RTF2: variants seen among roughly 807,000 people sequenced by gnomAD.
RTF2 encodes the protein replication termination factor 2.
A neutral mutation model predicts 38.0 loss-of-function variants in RTF2; 18 were observed. That is an observed-to-expected ratio of 0.47 (90% confidence interval 0.33 to 0.70). The LOEUF (loss-of-function observed/expected upper bound fraction) is 0.70. Among genes scored for constraint, RTF2 ranks in the 30% least tolerant of loss-of-function variants. The pLI, the probability that RTF2 is intolerant of heterozygous loss-of-function variation, is 0.02. For synonymous variants in RTF2, 126 were observed against 137.1 expected (o/e 0.92, Z 0.57); for missense variants, 311 against 379.6 (o/e 0.82, Z 1.50).
At chr20:56,516,738 GCATGACTGGTGT>G in intron 6 of RTF2, 185 bp from the exon 7 acceptor site, 1 of 625,070 alleles carries the variant, frequency 1.6e-6, no homozygotes, top group Non-Finnish European at 2.9e-6. Context: ...AGGCAGAAGT[GCATGACTGGTGT>G]CACATGCAGA....
chr20:56,496,877 T>TA (rs1258994327), intron 5 of RTF2: 1 of 1,551,696 alleles, frequency 6.4e-7, no homozygotes. Flanking sequence ...GACTTTGACT[T>TA]GTCTTGGATT....
rs371007066 is a variant in RTF2, at chr20:56,476,957, T to C, written c.259-28T>C. 7 of 1,610,844 alleles carry C rather than the reference T, an allele frequency of 4.3e-6. No homozygotes were observed. In the African/African-American group the frequency reaches 6.7e-5, roughly 15 times the overall value. On this transcript the variant is annotated intron_variant, in intron 3 of 8. Coordinates refer to ENST00000357348, the MANE Select transcript of RTF2 (RefSeq NM_016407.5). The stretch of plus-strand genomic sequence containing the variant: ...AAGGATGATCTGTTTATCAAATGAA[T>C]TGTTAAAATATTAATGGTTTTTCCC...
chr20:56,499,899 C>G (rs939791812), intron 5 of RTF2, among the ~76,000 whole-genome samples: 6 of 151,370 alleles, frequency 4.0e-5, no homozygotes, highest in African/African-American at 1.5e-4. Context: ...ACCACGCTAG[C>G]TAATTTCTGT....
At chr20:56,477,284 C>G (rs1982305169) in intron 4 of RTF2, among the ~76,000 whole-genome samples, 160 bp downstream of exon 4, 1 of 152,158 alleles carries the variant, frequency 6.6e-6, no homozygotes, top group South Asian at 2.1e-4. Context: ...TGAGCACGTT[C>G]ATTTCCGTCA....
intron 5 of RTF2, among the ~76,000 whole-genome samples, chr20:56,512,565 C>T (rs1322499306): frequency 1.3e-5 from 2 of 152,330 alleles, no homozygotes; most frequent in Middle Eastern, 3.4e-3. Context: ...ACCACCACAA[C>T]ACTGTCAGGA....
chr20:56,488,750 A>C (rs1982923824), intron 5 of RTF2, among the ~76,000 whole-genome samples: 1 of 152,108 alleles, frequency 6.6e-6, no homozygotes, highest in South Asian at 2.1e-4. Flanking sequence ...TTGTTCTTTC[A>C]CTCTACCCAT....
chr20:56,491,023 C>T (rs749425972), intron 5 of RTF2, among the ~76,000 whole-genome samples: 26 of 152,156 alleles, frequency 1.7e-4, no homozygotes, highest in Non-Finnish European at 2.8e-4. Flanking sequence ...TTGGGGCACC[C>T]TTTTTAACAA....
At chr20:56,476,399 T>A (rs1982244281) in intron 3 of RTF2, among the ~76,000 whole-genome samples, 1 of 152,222 alleles carries the variant, frequency 6.6e-6, no homozygotes, top group African/African-American at 2.4e-5. Context: ...AGTAATTTTT[T>A]ATGTAAGAGG....
At chr20:56,485,186 G>A (rs1022441091) in intron 5 of RTF2, among the ~76,000 whole-genome samples, 1 of 152,138 alleles carries the variant, frequency 6.6e-6, no homozygotes, top group African/African-American at 2.4e-5. Flanking sequence ...CTGGCGTAGT[G>A]GTGGTCGGCA....
intron 1 of RTF2, 106 bp from the exon 2 acceptor site, chr20:56,473,194 CA>C: frequency 1.2e-6 from 1 of 818,500 alleles, no homozygotes; most frequent in Non-Finnish European, 2.0e-6. Flanking sequence ...ATTTAAAAAA[CA>C]AAAATCATTA....
chr20:56,470,004 A>G (rs1233697071), intron 1 of RTF2, among the ~76,000 whole-genome samples: 5 of 152,160 alleles, frequency 3.3e-5, no homozygotes. Context: ...AACAGTGCCT[A>G]CCACTGTGTT....
intron 5 of RTF2, among the ~76,000 whole-genome samples, chr20:56,489,752 A>G (rs924195910): frequency 6.6e-6 from 1 of 152,236 alleles, no homozygotes; most frequent in African/African-American, 2.4e-5. Flanking sequence ...AGGCAGGCTT[A>G]TGTTTTAAGT....
intron 4 of RTF2, among the ~76,000 whole-genome samples, chr20:56,477,799 C>G (rs1233691311): frequency 6.6e-6 from 1 of 152,226 alleles, no homozygotes; most frequent in African/African-American, 2.4e-5. Flanking sequence ...GCCACTGCAC[C>G]TGATTACAAA....
At chr20:56,469,974 A>G (rs756170506) in intron 1 of RTF2, among the ~76,000 whole-genome samples, 9 of 152,170 alleles carry the variant, frequency 5.9e-5, no homozygotes, top group Non-Finnish European at 1.0e-4. Flanking sequence ...CTCACTTCCA[A>G]TATTCTCTCT....
chr20:56,473,772 C>T (rs1982091413), intron 2 of RTF2, among the ~76,000 whole-genome samples: 1 of 152,136 alleles, frequency 6.6e-6, no homozygotes, highest in South Asian at 2.1e-4. Context: ...CCTGTAGTCC[C>T]AGCTGTTCAG....
intron 4 of RTF2, among the ~76,000 whole-genome samples, chr20:56,482,924 G>A (rs930513565): frequency 2.0e-4 from 30 of 152,164 alleles, no homozygotes; most frequent in African/African-American, 7.0e-4. Flanking sequence ...GCATATAGAC[G>A]TAGAAATCGA....
intron 6 of RTF2, among the ~76,000 whole-genome samples, chr20:56,514,549 A>C (rs1984897644): frequency 6.6e-6 from 1 of 152,126 alleles, no homozygotes; most frequent in South Asian, 2.1e-4. Flanking sequence ...GGAGTACCTG[A>C]AGATTTTTCA....
intron 5 of RTF2, among the ~76,000 whole-genome samples, chr20:56,492,203 AT>A (rs1424696884): frequency 2.0e-5 from 3 of 151,538 alleles, no homozygotes; most frequent in Non-Finnish European, 1.5e-5. Flanking sequence ...TTGCTTCTAT[AT>A]TTTTTGGGGA....
chr20:56,513,642 T>C (rs887420903), intron 6 of RTF2, among the ~76,000 whole-genome samples: 6 of 152,302 alleles, frequency 3.9e-5, no homozygotes, highest in African/African-American at 1.4e-4. Context: ...CCCGCCGAGC[T>C]TTCTCATCAG....
Sources: allele counts gnomAD v4.1 joint callset (sites outside exome capture counted in the v4.1 genomes callset), GRCh38; gene constraint gnomAD v4.1.1; transcripts MANE v1.5; gene names NCBI Gene and HGNC (gene_info 2026-07-23, HGNC 2026-07-21).